GRIK1: variants seen among roughly 807,000 people sequenced by gnomAD.
The protein encoded by GRIK1 is glutamate ionotropic receptor kainate type subunit 1.
In GRIK1, 69 loss-of-function variants were observed where a neutral mutation model predicts 105.7. The ratio of observed to expected loss-of-function variants is 0.65; its 90% CI spans 0.54 to 0.80. The LOEUF (loss-of-function observed/expected upper bound fraction) is 0.80. Among genes scored for constraint, GRIK1 ranks in the 30% least tolerant of loss-of-function variants. GRIK1 has a pLI of 0.00. For missense variants in GRIK1, 1,109 were observed against 1,167.3 expected, an observed-to-expected ratio of 0.95 and a Z score of 0.73; for synonymous variants, 438 against 431.3, an observed-to-expected ratio of 1.02 and a Z score of -0.19.
chr21:29,892,592 A>G (rs1413909126), intron 1 of GRIK1, among the ~76,000 whole-genome samples: 1 of 152,126 alleles, frequency 6.6e-6, no homozygotes, highest in African/African-American at 2.4e-5. Context: ...AGCCGTACCC[A>G]CCCCATATCA....
At chr21:29,699,594 G>GT (rs969827580) in intron 1 of GRIK1, among the ~76,000 whole-genome samples, 8 of 151,502 alleles carry the variant, frequency 5.3e-5, no homozygotes, top group Non-Finnish European at 8.8e-5. Flanking sequence ...TTGTTTGTTT[G>GT]TTTTTTTGTG....
At chr21:29,811,865 T>C (rs1313294316) in intron 1 of GRIK1, among the ~76,000 whole-genome samples, 1 of 152,196 alleles carries the variant, frequency 6.6e-6, no homozygotes, top group East Asian at 1.9e-4. Context: ...TTCCAGCCTC[T>C]CGGCTTTTCT....
intron 1 of GRIK1, among the ~76,000 whole-genome samples, chr21:29,833,361 G>A (rs544480666): frequency 1.3e-5 from 2 of 152,218 alleles, no homozygotes; most frequent in Admixed American, 1.3e-4. Context: ...TTATAAGAAT[G>A]CCCCACTCCC....
chr21:29,797,757 C>G (rs2145843544), intron 1 of GRIK1, among the ~76,000 whole-genome samples: 1 of 152,254 alleles, frequency 6.6e-6, no homozygotes, highest in Admixed American at 6.5e-5. Flanking sequence ...AACACAATGC[C>G]TGAGCTTGTC....
chr21:29,838,950 G>GA (rs1050378288), intron 1 of GRIK1, among the ~76,000 whole-genome samples: 2 of 151,640 alleles, frequency 1.3e-5, no homozygotes, highest in Non-Finnish European at 2.9e-5. Flanking sequence ...GGACAAGATG[G>GA]AAAAAAAAGG....
intron 1 of GRIK1, among the ~76,000 whole-genome samples, chr21:29,744,845 A>T (rs2065012085): frequency 1.3e-5 from 2 of 152,214 alleles, no homozygotes; most frequent in Admixed American, 6.5e-5. Flanking sequence ...TTTGATTTCC[A>T]CATCAATCCC....
chr21:29,577,767 G>A (rs771021145), intron 13 of GRIK1, among the ~76,000 whole-genome samples: 1 of 152,014 alleles, frequency 6.6e-6, no homozygotes, highest in Non-Finnish European at 1.5e-5. Flanking sequence ...TTTTTCTACT[G>A]TAGATTTTTA....
In GRIK1 at chr21:29,689,801, G is replaced by A. The variant is rs775657419; in HGVS notation, c.471C>T (p.Ile157=). 5.0e-6 allele frequency: 8 copies of A among 1,613,796 alleles called. No homozygotes were observed. The highest frequency in any genetic ancestry group is 6.8e-6 in the Non-Finnish European group (8 of 1,179,680). The change falls in exon 3 of 18, where the codon ATC becomes ATT. Residue 157 remains isoleucine (I), a synonymous_variant. Transcript: ENST00000327783. ...YINLYPDYAA[I]SRAILDLVLY... ...GGACCAGATCCAGGATCGCCCTGCT[G>A]ATAGCTGCATAATCTGGGTAAAGGT...
chr21:29,569,623 T>C (rs1913086817), intron 14 of GRIK1, among the ~76,000 whole-genome samples: 1 of 152,248 alleles, frequency 6.6e-6, no homozygotes, highest in South Asian at 2.1e-4. Context: ...CCTCCTTGGA[T>C]GATGGTTCAC....
chr21:29,847,940 C>A (rs1019655081), intron 1 of GRIK1, among the ~76,000 whole-genome samples: 1 of 152,218 alleles, frequency 6.6e-6, no homozygotes, highest in Admixed American at 6.5e-5. Context: ...CACACACACA[C>A]ATGCACATGT....
chr21:29,834,640 A>G (rs1291461463), intron 1 of GRIK1, among the ~76,000 whole-genome samples: 3 of 151,138 alleles, frequency 2.0e-5, no homozygotes, highest in East Asian at 3.9e-4. Flanking sequence ...AAACTTCTTC[A>G]CCTCTCAGCT....
intron 14 of GRIK1, among the ~76,000 whole-genome samples, chr21:29,570,077 C>G (rs566357876): frequency 6.6e-5 from 10 of 152,254 alleles, no homozygotes; most frequent in South Asian, 2.1e-4. Context: ...AAATCCTGTA[C>G]TGTTCAGACT....
intron 5 of GRIK1, among the ~76,000 whole-genome samples, chr21:29,651,796 A>T (rs915463984): frequency 5.9e-5 from 9 of 151,980 alleles, no homozygotes; most frequent in Non-Finnish European, 7.4e-5. Context: ...TTGGCACCAT[A>T]CTAGATTTCA....
At chr21:29,646,530 A>G (rs186805112) in intron 6 of GRIK1, among the ~76,000 whole-genome samples, 2 of 152,306 alleles carry the variant, frequency 1.3e-5, no homozygotes, top group Admixed American at 1.3e-4. Context: ...AAATCTGAAG[A>G]TGGTCTTGAG....
At chr21:29,872,262 T>C (rs934169417) in intron 1 of GRIK1, among the ~76,000 whole-genome samples, 14 of 150,540 alleles carry the variant, frequency 9.3e-5, no homozygotes, top group Middle Eastern at 3.4e-3. Flanking sequence ...GGTGCGATCT[T>C]GGCTCACTGC....
intron 1 of GRIK1, among the ~76,000 whole-genome samples, chr21:29,848,779 A>ATATATATATATATATTTTT: frequency 1.4e-4 from 11 of 77,862 alleles, no homozygotes; most frequent in African/African-American, 5.8e-4. Context: ...ATATATATAT[A>ATATATATATATATATTTTT]TTTTTTTTTT....
At chr21:29,612,436 A>G (rs1053388232) in intron 7 of GRIK1, among the ~76,000 whole-genome samples, 1 of 152,204 alleles carries the variant, frequency 6.6e-6, no homozygotes, top group Non-Finnish European at 1.5e-5. Flanking sequence ...CTTCAGATTT[A>G]ACTGTGAGAC....
At chr21:29,918,962 A>G (rs895044238) in intron 1 of GRIK1, among the ~76,000 whole-genome samples, 2 of 151,920 alleles carry the variant, frequency 1.3e-5, no homozygotes, top group Admixed American at 1.3e-4. Context: ...CAACAGGCGA[A>G]GGGGAAGGCA....
At chr21:29,729,419 G>A (rs904178718) in intron 1 of GRIK1, among the ~76,000 whole-genome samples, 4 of 152,130 alleles carry the variant, frequency 2.6e-5, no homozygotes, top group African/African-American at 9.7e-5. Context: ...TTTCATTTAG[G>A]AAGGACATTA....
Sources: allele counts gnomAD v4.1 joint callset (sites outside exome capture counted in the v4.1 genomes callset), GRCh38; gene constraint gnomAD v4.1.1; transcripts MANE v1.5; gene names NCBI Gene and HGNC (gene_info 2026-07-23, HGNC 2026-07-21).